NAA15: variants seen among roughly 807,000 people sequenced by gnomAD.
NAA15 encodes the protein N-alpha-acetyltransferase 15, NatA auxiliary subunit.
A neutral mutation model predicts 114.0 loss-of-function variants in NAA15; 34 were observed. That is an observed-to-expected ratio of 0.30 (90% CI 0.23 to 0.40). The LOEUF (loss-of-function observed/expected upper bound fraction) is 0.40, where lower values mean the gene tolerates loss of function less well. NAA15 is among the 10% of genes least tolerant of loss of function. NAA15 has a pLI of 1.00. For missense variants in NAA15, 658 were observed against 1,004.5 expected (o/e 0.66, Z 4.66); for synonymous variants, 340 against 338.0 (o/e 1.01, Z -0.06).
intron 17 of NAA15, among the ~76,000 whole-genome samples, chr4:139,382,990 A>G (rs1748794875): frequency 6.6e-6 from 1 of 152,230 alleles, no homozygotes; most frequent in Admixed American, 6.5e-5. Context: ...ATAGTGTAGA[A>G]AAGATCAGCA....
chr4:139,317,687 T>G (rs1746460454), intron 1 of NAA15, among the ~76,000 whole-genome samples: 1 of 152,206 alleles, frequency 6.6e-6, no homozygotes, highest in Non-Finnish European at 1.5e-5. Context: ...TAATCTGTGT[T>G]TTTTATGTGC....
intron 10 of NAA15, among the ~76,000 whole-genome samples, chr4:139,355,113 A>C (rs1017929083): frequency 1.2e-4 from 19 of 152,036 alleles, no homozygotes; most frequent in Non-Finnish European, 2.5e-4. Context: ...TCCTGACCTC[A>C]AGTGATCCGC....
intron 15 of NAA15, among the ~76,000 whole-genome samples, chr4:139,374,320 T>A (rs1051422939): frequency 6.6e-6 from 1 of 152,218 alleles, no homozygotes; most frequent in Non-Finnish European, 1.5e-5. Flanking sequence ...ATGGATGTAC[T>A]TTTTTCTTTA....
intron 1 of NAA15, among the ~76,000 whole-genome samples, chr4:139,315,006 T>TTCAGTTCAGG: frequency 9.8e-6 from 1 of 101,556 alleles, no homozygotes; most frequent in Admixed American, 9.3e-5. Context: ...TTCAGTTTAG[T>TTCAGTTCAGG]TTAGGTTAGG....
intron 1 of NAA15, among the ~76,000 whole-genome samples, chr4:139,305,135 A>T (rs928126945): frequency 1.3e-5 from 2 of 152,250 alleles, no homozygotes; most frequent in African/African-American, 4.8e-5. Context: ...TGGATGTACC[A>T]CAGTGTGTTT....
intron 1 of NAA15, among the ~76,000 whole-genome samples, chr4:139,303,978 C>T (rs1388750284): frequency 6.6e-6 from 1 of 152,074 alleles, no homozygotes; most frequent in Admixed American, 6.5e-5. Context: ...AATGCAGTGG[C>T]GCGATCTCGG....
intron 14 of NAA15, among the ~76,000 whole-genome samples, chr4:139,368,699 T>C (rs1354439029): frequency 6.6e-6 from 1 of 152,120 alleles, no homozygotes; most frequent in Admixed American, 6.5e-5. Context: ...TCACTAAATA[T>C]AGCCCACGTT....
intron 1 of NAA15, among the ~76,000 whole-genome samples, chr4:139,323,145 C>T (rs1227856719): frequency 6.6e-6 from 1 of 150,950 alleles, no homozygotes; most frequent in Non-Finnish European, 1.5e-5. Flanking sequence ...TCACCTCCAG[C>T]TCCTGGGTTC....
At chr4:139,303,527 T>C (rs978049849) in intron 1 of NAA15, among the ~76,000 whole-genome samples, 7 of 152,174 alleles carry the variant, frequency 4.6e-5, no homozygotes, top group African/African-American at 1.7e-4. Flanking sequence ...CTGGGCACGG[T>C]GTCTCATGCC....
chr4:139,313,452 A>G (rs955139834), intron 1 of NAA15, among the ~76,000 whole-genome samples: 3 of 151,702 alleles, frequency 2.0e-5, no homozygotes, highest in South Asian at 2.1e-4. Context: ...GACTTTTTAC[A>G]TGTTAGCTGA....
At chr4:139,315,502 C>T (rs1049022193) in intron 1 of NAA15, among the ~76,000 whole-genome samples, 1 of 151,428 alleles carries the variant, frequency 6.6e-6, no homozygotes, top group Admixed American at 6.6e-5. Context: ...TGAGTGACAG[C>T]GTGAGACCGC....
intron 1 of NAA15, among the ~76,000 whole-genome samples, chr4:139,311,381 A>T (rs1023524842): frequency 6.6e-6 from 1 of 151,878 alleles, no homozygotes; most frequent in Non-Finnish European, 1.5e-5. Context: ...AGAGAAAAAG[A>T]TCTTTGGATT....
chr4:139,344,773 T>C (rs1324208466), intron 6 of NAA15, among the ~76,000 whole-genome samples: 1 of 152,172 alleles, frequency 6.6e-6, no homozygotes, highest in Non-Finnish European at 1.5e-5. Context: ...AAAATACATA[T>C]AGGATATTTC....
rs1268280831 is a variant in NAA15, at chr4:139,359,811, A to G, written c.1326A>G (p.Arg442=). The change falls in exon 12 of 20, where the codon AGA becomes AGG. Residue 442 remains arginine, a synonymous_variant. Coordinates refer to ENST00000296543, the MANE Select transcript of NAA15 (RefSeq NM_057175.5). The stretch of plus-strand genomic sequence containing the variant: ...CCCAGGCCTTGGACACAGCAGACAG[A>G]TTTATCAACTCCAAATGTGCAAAAT... ...DEAQALDTAD[R]FINSKCAKYM... 1 of 1,608,182 alleles carries G rather than the reference A, an allele frequency of 6.2e-7. No individual in the cohort carries two copies. Among genetic ancestry groups the G allele is most frequent in the East Asian group, 2.2e-5 (1 of 44,784 alleles).
At chr4:139,385,989 G>A (rs1748900227) in intron 18 of NAA15, 144 bp from the exon 19 acceptor site, 2 of 496,248 alleles carry the variant, frequency 4.0e-6, no homozygotes, top group East Asian at 6.5e-5. Context: ...TTGAATAACA[G>A]TATCTCAAGT....
intron 17 of NAA15, among the ~76,000 whole-genome samples, chr4:139,382,499 A>G (rs894382458): frequency 6.6e-6 from 1 of 152,136 alleles, no homozygotes; most frequent in Admixed American, 6.6e-5. Context: ...AACTATGCAG[A>G]TATTTTTTAC....
At chr4:139,357,609 TTTTCTC>T in intron 11 of NAA15, 54 bp downstream of exon 11, 3 of 1,165,606 alleles carry the variant, frequency 2.6e-6, no homozygotes, top group Non-Finnish European at 3.6e-6. Context: ...GTCATGAACT[TTTTCTC>T]TGTATTTTAT....
Position 139,374,828 on chromosome 4 carries a change from T to C in NAA15, c.1948-1537T>C, listed in dbSNP as rs142433839. Among the ~76,000 whole-genome samples the C allele has an allele frequency of 2.0e-3, 310 of 152,270 alleles. 2 individuals carry two copies. The highest frequency in any genetic ancestry group is 7.3e-3 in the African/African-American group (304 of 41,554). On this transcript the variant is annotated intron_variant, in intron 15 of 19. Transcript: ENST00000296543. Reference sequence around the variant, plus strand: ...TATCAAACCCAACCCAGATCTCCTTTGGGGGAATATGTTCTTGTTTATTAA... The same window carrying C: ...TATCAAACCCAACCCAGATCTCCTTCGGGGGAATATGTTCTTGTTTATTAA...
At chr4:139,337,370 CT>C (rs1747233719) in intron 3 of NAA15, among the ~76,000 whole-genome samples, 1 of 152,096 alleles carries the variant, frequency 6.6e-6, no homozygotes, top group Admixed American at 6.6e-5. Context: ...AGAGCACAAG[CT>C]TTTGGAGTAT....
Sources: allele counts gnomAD v4.1 joint callset (sites outside exome capture counted in the v4.1 genomes callset), GRCh38; gene constraint gnomAD v4.1.1; transcripts MANE v1.5; gene names NCBI Gene and HGNC (gene_info 2026-07-23, HGNC 2026-07-21).